Variants in LARP1B observed in about 807,000 individuals in gnomAD.
The protein encoded by LARP1B is la-related protein 1B.
A neutral mutation model predicts 114.2 loss-of-function variants in LARP1B; 76 were observed. The observed-to-expected ratio is 0.67, with a 90% CI of 0.55 to 0.81. The LOEUF (loss-of-function observed/expected upper bound fraction) is 0.81. Ranked by LOEUF, LARP1B falls within the 30% of genes least tolerant of loss-of-function variation. The pLI, the probability that LARP1B is intolerant of heterozygous loss-of-function variation, is 0.00. For synonymous variants in LARP1B, 345 were observed against 348.0 expected (o/e 0.99, Z 0.10); for missense variants, 1,014 against 1,075.8 (o/e 0.94, Z 0.80).
chr4:128,081,803 C>T (rs1388149448), intron 4 of LARP1B, among the ~76,000 whole-genome samples: 4 of 152,240 alleles, frequency 2.6e-5, no homozygotes, highest in African/African-American at 7.2e-5. Flanking sequence ...GGCACGATCT[C>T]GGCTCACTGC....
chr4:128,154,133 A>T (rs561551078), intron 11 of LARP1B, among the ~76,000 whole-genome samples: 1 of 152,152 alleles, frequency 6.6e-6, no homozygotes, highest in Non-Finnish European at 1.5e-5. Flanking sequence ...ATAATTTACT[A>T]CAAGTCCAAG....
rs139531857 is a variant in LARP1B, at chr4:128,083,130, G to T, written c.358+825G>T. Among the ~76,000 whole-genome samples, 419 of 152,226 alleles carry T rather than the reference G, an allele frequency of 2.8e-3. 7 individuals are homozygous for T. The East Asian group carries it at 0.038, about 14-fold the overall frequency. On this transcript the variant is annotated intron_variant, in intron 5 of 19. Transcript: ENST00000326639. Reference sequence around the variant, plus strand: ...ACATGTTTCAGAGAGCACAGGGTTGGGGGTAAGGTCATAGATCAACAGGAT... The same window carrying T: ...ACATGTTTCAGAGAGCACAGGGTTGTGGGTAAGGTCATAGATCAACAGGAT...
rs1788144388 is a variant in LARP1B, at chr4:128,122,122, T to A, written c.1458T>A (p.Asp486Glu). 6.2e-7 allele frequency: 1 copy of A among 1,613,988 alleles called. No homozygotes were observed. The highest frequency in any genetic ancestry group is 8.5e-7 in the Non-Finnish European group (1 of 1,179,976). The stretch of plus-strand genomic sequence containing the variant: ...CTGAACTTGCTAAAGTTATCAATGA[T>A]GGCTTATACTATTATGAACAGGATC... Reference protein sequence around the residue: ...ITSELAKVINDGLYYYEQDLW... With the variant: ...ITSELAKVINEGLYYYEQDLW... The change falls in exon 11 of 20, where the codon GAT becomes GAA. Residue 486 changes from aspartate to glutamate, a missense_variant. Physicochemically the swap from Asp to Glu is conservative, Grantham distance 45. Coordinates refer to ENST00000326639, the MANE Select transcript of LARP1B (RefSeq NM_018078.4).
chr4:128,124,969 GTTTTGGTGGAT>G (rs1789096825), intron 11 of LARP1B, among the ~76,000 whole-genome samples: 1 of 152,176 alleles, frequency 6.6e-6, no homozygotes, highest in Admixed American at 6.5e-5. Context: ...TGCAAAAAGA[GTTTTGGTGGAT>G]CCAGAAGCTA....
At chr4:128,113,932 A>G (rs533527682) in intron 9 of LARP1B, among the ~76,000 whole-genome samples, 8 of 152,070 alleles carry the variant, frequency 5.3e-5, no homozygotes, top group Admixed American at 4.6e-4. Flanking sequence ...GATTACAGGC[A>G]TGTGCCACCA....
intron 7 of LARP1B, chr4:128,093,100 TTTG>T (rs1223946752): frequency 1.2e-4 from 112 of 947,972 alleles, no homozygotes; most frequent in Non-Finnish European, 1.3e-4. Context: ...TGCCTCTTTT[TTTG>T]TTGTTGTTCT....
At chr4:128,097,682 C>G (rs1379325534) in intron 7 of LARP1B, among the ~76,000 whole-genome samples, 2 of 152,124 alleles carry the variant, frequency 1.3e-5, no homozygotes, top group African/African-American at 4.8e-5. Context: ...AGTACTTTGT[C>G]AACTTAGAAA....
rs1464393497 is a variant in LARP1B, at chr4:128,155,603, A to G, written c.1525-6591A>G. 29 of 1,038,070 alleles carry G rather than the reference A, an allele frequency of 2.8e-5. No individual in the cohort carries two copies. The East Asian group carries it at 6.4e-4, about 23-fold the overall frequency. The allele number at this position is 1,038,070 out of a possible 1,614,324, so 64.3% of individuals were successfully genotyped here. ...TGCCCCAGGCCTCTGACCTACCCTT[A>G]GTCCAGCCCCCTACAACCCCAGCCA... On this transcript the variant is annotated intron_variant, in intron 11 of 19. Coordinates refer to ENST00000326639, the MANE Select transcript of LARP1B (RefSeq NM_018078.4).
At chr4:128,159,930 G>C (rs77389145) in intron 11 of LARP1B, among the ~76,000 whole-genome samples, 1 of 152,162 alleles carries the variant, frequency 6.6e-6, no homozygotes, top group Admixed American at 6.5e-5. Flanking sequence ...ATAGGAATTT[G>C]TTTGTAATAG....
At chr4:128,191,773 C>A (rs193088957) in intron 15 of LARP1B, among the ~76,000 whole-genome samples, 115 of 152,138 alleles carry the variant, frequency 7.6e-4, no homozygotes, top group Non-Finnish European at 1.3e-3. Flanking sequence ...TGCTAGCCCT[C>A]ATGATATTAT....
intron 1 of LARP1B, among the ~76,000 whole-genome samples, chr4:128,068,720 T>G (rs1764039275): frequency 6.6e-6 from 1 of 152,102 alleles, no homozygotes; most frequent in Admixed American, 6.6e-5. Flanking sequence ...GATTCCTTTT[T>G]TTCCCTCTTT....
intron 12 of LARP1B, among the ~76,000 whole-genome samples, chr4:128,166,930 T>TTCTCTCTC (rs56916317): frequency 1.6e-4 from 16 of 103,086 alleles, no homozygotes; most frequent in African/African-American, 5.9e-4. Flanking sequence ...TTATATTCTA[T>TTCTCTCTC]TCTCTCTCTC....
downstream of LARP1B, among the ~76,000 whole-genome samples, chr4:128,213,928 G>A (rs910762196): frequency 5.3e-5 from 8 of 151,742 alleles, no homozygotes; most frequent in African/African-American, 1.2e-4. Flanking sequence ...GACAGTGGGC[G>A]CAGGCCAGTG....
chr4:128,114,788 G>A (rs761518710), intron 10 of LARP1B, 46 bp downstream of exon 10: 1 of 1,560,094 alleles, frequency 6.4e-7, no homozygotes, highest in East Asian at 2.2e-5. Flanking sequence ...CCTGGGTGGA[G>A]TATAAGGTCA....
intron 11 of LARP1B, 82 bp downstream of exon 11, chr4:128,122,270 C>A (rs1434339944): frequency 6.5e-7 from 1 of 1,548,632 alleles, no homozygotes. Flanking sequence ...AAACTTGAGG[C>A]TCTATTTTAT....
At chr4:128,077,715 A>G (rs1768565907) in intron 3 of LARP1B, 73 bp from the exon 4 acceptor site, 1 of 1,429,182 alleles carries the variant, frequency 7.0e-7, no homozygotes, top group Non-Finnish European at 9.2e-7. Flanking sequence ...GGTTAGGTAT[A>G]TTGCCACAAA....
chr4:128,121,371 G>A (rs1787923132), intron 10 of LARP1B, among the ~76,000 whole-genome samples: 1 of 151,994 alleles, frequency 6.6e-6, no homozygotes, highest in Non-Finnish European at 1.5e-5. Context: ...AGGCTCTAGC[G>A]CAATGGCGCG....
chr4:128,208,863 C>T (rs1758303024), intron 19 of LARP1B, among the ~76,000 whole-genome samples: 1 of 152,170 alleles, frequency 6.6e-6, no homozygotes, highest in Non-Finnish European at 1.5e-5. Context: ...TTCAAACTTG[C>T]TAACGATAAT....
At position 128,091,416 on chromosome 4, in the gene LARP1B, T is replaced by C; in HGVS notation, c.572T>C (p.Leu191Pro). Residue 191 changes from leucine (L) to proline (P), a missense_variant, in exon 7 of 20, where the codon CTT (leucine) becomes CCT (proline). Physicochemically the swap from Leu to Pro is moderately conservative, Grantham distance 98. Transcript: ENST00000326639. ...ACTGATCAACCATTTCAAACAGAACTTAATACCAGTATGATGTATTACTAT... is the reference window on the plus strand; with the variant it reads ...ACTGATCAACCATTTCAAACAGAACCTAATACCAGTATGATGTATTACTAT... ...ERTDQPFQTE[L>P]NTSMMYYYDD... 1 of 1,609,910 alleles carries C rather than the reference T, an allele frequency of 6.2e-7. No individual in the cohort carries two copies. The highest frequency in any genetic ancestry group is 2.2e-5 in the East Asian group (1 of 44,828).
Sources: allele counts gnomAD v4.1 joint callset (sites outside exome capture counted in the v4.1 genomes callset), GRCh38; gene constraint gnomAD v4.1.1; transcripts MANE v1.5; gene names NCBI Gene and HGNC (gene_info 2026-07-23, HGNC 2026-07-21).